The following CFAP70 variants were observed in gnomAD, a reference collection of about 807,000 sequenced individuals.
CFAP70 encodes the protein cilia and flagella associated protein 70.
CFAP70 carries 81 observed loss-of-function variants against 137.6 expected under a neutral mutation model. The ratio of observed to expected loss-of-function variants is 0.59; its 90% CI spans 0.49 to 0.71. The LOEUF is 0.71. Ranked by LOEUF, CFAP70 falls within the 30% of genes least tolerant of loss-of-function variation. CFAP70 has a pLI of 0.00. For missense variants in CFAP70, 976 were observed against 1,226.7 expected, an observed-to-expected ratio of 0.80 and a Z score of 3.05; for synonymous variants, 382 against 423.6, an observed-to-expected ratio of 0.90 and a Z score of 1.20.
At chr10:73,337,853 C>T (rs2052828993) in intron 6 of CFAP70, among the ~76,000 whole-genome samples, 1 of 152,016 alleles carries the variant, frequency 6.6e-6, no homozygotes, top group Non-Finnish European at 1.5e-5. Context: ...TTGCAGTGAG[C>T]CAAGATCGGG....
intron 8 of CFAP70, among the ~76,000 whole-genome samples, chr10:73,325,476 A>T (rs1482558080): frequency 1.3e-5 from 2 of 152,232 alleles, no homozygotes; most frequent in Non-Finnish European, 2.9e-5. Flanking sequence ...GATCAAGTTC[A>T]CACATAACAA....
rs2048793336 is a variant in CFAP70, at chr10:73,299,590, G to A, written c.1317+15C>T. 1 of 1,609,784 alleles carries A rather than the reference G, an allele frequency of 6.2e-7. No homozygotes were observed. The highest frequency in any genetic ancestry group is 1.7e-5 in the Admixed American group (1 of 59,926). On this transcript the variant is annotated intron_variant, in intron 13 of 26. Transcript: ENST00000310715. Reference sequence around the variant, plus strand: ...ATCTTATTACTTATCATTTCAACTTGGCTTTGGCACTTGCCTTCTGAGCTC... The same window carrying A: ...ATCTTATTACTTATCATTTCAACTTAGCTTTGGCACTTGCCTTCTGAGCTC...
chr10:73,348,470 GTCTTC>G lies in CFAP70; in HGVS notation c.297_301del (p.Glu99AspfsTer41), dbSNP rs2053914562. 2 of 1,539,572 alleles carry G rather than the reference GTCTTC, an allele frequency of 1.3e-6. No individual in the cohort carries two copies. Among genetic ancestry groups the G allele is most frequent in the Non-Finnish European group, 1.7e-6 (2 of 1,147,280 alleles). ...CACCACAGCCTGACCAAGAATTAAG[GTCTTC>G]TCTTCTTTCTGTTTCTTTTCCTTTG... On this transcript the variant is annotated frameshift_variant, in exon 4 of 27. Transcript: ENST00000310715. LOFTEE classifies it high-confidence loss of function.
chr10:73,360,228 T>C (rs949829707), upstream of CFAP70, among the ~76,000 whole-genome samples: 1 of 152,162 alleles, frequency 6.6e-6, no homozygotes, highest in Non-Finnish European at 1.5e-5. Context: ...AGAGTGTCCC[T>C]GTTTAGGGGA....
chr10:73,302,112 TGAG>T (rs1187813764), intron 12 of CFAP70, among the ~76,000 whole-genome samples: 3 of 152,088 alleles, frequency 2.0e-5, no homozygotes, highest in Non-Finnish European at 4.4e-5. Flanking sequence ...AAAGAGTATG[TGAG>T]AATTAGGAGA....
In CFAP70 at chr10:73,273,889, G is replaced by C. The variant is rs183351446; in HGVS notation, c.2835+544C>G. ...GTTATAGTGAGATGATGGGTCCATG[G>C]TGTTTCATTCTACTATTCTGTTTGC... On this transcript the variant is annotated intron_variant, in intron 23 of 26. Coordinates refer to ENST00000310715, the Ensembl canonical transcript of CFAP70. Among the ~76,000 whole-genome samples, 79 of 152,316 alleles carry C rather than the reference G, an allele frequency of 5.2e-4. 1 individual carries two copies. The highest frequency in any genetic ancestry group is 1.3e-3 in the East Asian group (7 of 5,192).
At chr10:73,255,911 C>G (rs1427928899) in intron 26 of CFAP70, among the ~76,000 whole-genome samples, 1 of 152,152 alleles carries the variant, frequency 6.6e-6, no homozygotes, top group Non-Finnish European at 1.5e-5. Flanking sequence ...TCACCTATAG[C>G]TGCTTGTGTA....
intron 3 of CFAP70, among the ~76,000 whole-genome samples, chr10:73,349,120 T>G: frequency 6.6e-6 from 1 of 151,814 alleles, no homozygotes; most frequent in Non-Finnish European, 1.5e-5. Flanking sequence ...TCATATAATA[T>G]TAATCTTTAC....
chr10:73,334,247 G>C (rs1368277314), intron 7 of CFAP70, among the ~76,000 whole-genome samples: 1 of 152,124 alleles, frequency 6.6e-6, no homozygotes, highest in Non-Finnish European at 1.5e-5. Context: ...ATTTAGCCTG[G>C]GTGACAATGT....
intron 7 of CFAP70, among the ~76,000 whole-genome samples, chr10:73,331,668 A>C (rs1405840764): frequency 6.6e-6 from 1 of 152,168 alleles, no homozygotes; most frequent in Admixed American, 6.5e-5. Flanking sequence ...GGCCACCGTG[A>C]GACCCTGTCT....
chr10:73,284,345 T>C lies in CFAP70; in HGVS notation c.2240-6008A>G, dbSNP rs7902633. Among the ~76,000 whole-genome samples the C allele has an allele frequency of 3.4e-3, 521 of 152,264 alleles. 2 individuals are homozygous for C. The highest frequency in any genetic ancestry group is 0.012 in the African/African-American group (493 of 41,554). On this transcript the variant is annotated intron_variant, in intron 19 of 26. Coordinates refer to ENST00000310715, the Ensembl canonical transcript of CFAP70. ...TCATATAAGGACCCTTGTGGTTACATTGGACCTACCCAGACAATCCAAGAT... is the reference window on the plus strand; with the variant it reads ...TCATATAAGGACCCTTGTGGTTACACTGGACCTACCCAGACAATCCAAGAT...
chr10:73,303,577 G>A (rs1420141458), intron 12 of CFAP70, among the ~76,000 whole-genome samples: 4 of 150,164 alleles, frequency 2.7e-5, no homozygotes, highest in Admixed American at 2.6e-4. Flanking sequence ...CTAGCTTGGA[G>A]AAGAAATGCC....
At chr10:73,267,110 A>G (rs1199903079) in intron 25 of CFAP70, among the ~76,000 whole-genome samples, 2 of 152,222 alleles carry the variant, frequency 1.3e-5, no homozygotes, top group Admixed American at 1.3e-4. Context: ...GTACTGAAGT[A>G]TAACAAACCA....
Position 73,275,327 on chromosome 10 carries a change from G to C in CFAP70, c.2673+119C>G. 8.3e-7 allele frequency: 1 copy of C among 1,211,718 alleles called. No individual in the cohort carries two copies. The allele number at this position is 1,211,718 out of a possible 1,614,324, so 75.1% of individuals were successfully genotyped here. ...CAAATGGAAGGGTATAGAGAGATGA[G>C]TTTACTGACAGCTGATGACCACCCT... On this transcript the variant is annotated intron_variant, in intron 22 of 26. Coordinates refer to ENST00000310715, the Ensembl canonical transcript of CFAP70. The surrounding 1 kb of genome is among the most constrained non-coding windows in gnomAD (Gnocchi z 4.0).
At chr10:73,293,647 A>C in intron 15 of CFAP70, 1 of 310,520 alleles carries the variant, frequency 3.2e-6, no homozygotes, top group African/African-American at 2.1e-5. Context: ...TTAGGGCAGA[A>C]ATAACTGCCT....
intron 24 of CFAP70, among the ~76,000 whole-genome samples, chr10:73,272,457 T>C (rs1674592953): frequency 1.3e-5 from 2 of 152,220 alleles, no homozygotes; most frequent in African/African-American, 2.4e-5. Flanking sequence ...GTTTGCCTCT[T>C]TGAAGACTGG....
At chr10:73,361,240 T>C (rs1320549061), upstream of CFAP70, among the ~76,000 whole-genome samples, 1 of 151,840 alleles carries the variant, frequency 6.6e-6, no homozygotes, top group South Asian at 2.1e-4. Context: ...GTGATCCACC[T>C]GTCTCAGCCG....
chr10:73,299,455 G>A (rs2048778521), intron 13 of CFAP70, 150 bp downstream of exon 14: 1 of 652,032 alleles, frequency 1.5e-6, no homozygotes, highest in South Asian at 1.9e-5. Context: ...ATATGCCATT[G>A]ATCACAAATG....
intron 17 of CFAP70, 35 bp from the exon 19 acceptor site, chr10:73,291,790 G>A (rs2048198376): frequency 1.2e-6 from 2 of 1,612,982 alleles, no homozygotes; most frequent in Admixed American, 3.3e-5. Context: ...TAACAACACG[G>A]TCCCATGTCA....
Sources: allele counts gnomAD v4.1 joint callset (sites outside exome capture counted in the v4.1 genomes callset), GRCh38; gene constraint gnomAD v4.1.1; non-coding constraint Gnocchi (gnomAD v3.1); transcripts MANE v1.5; gene names NCBI Gene and HGNC (gene_info 2026-07-23, HGNC 2026-07-21).